The following UNC80 variants were observed in gnomAD, a reference collection of about 807,000 sequenced individuals.
The protein encoded by UNC80 is protein unc-80 homolog.
Under a neutral mutation model 384.6 loss-of-function variants are expected in UNC80, and 164 were observed. The observed-to-expected ratio is 0.43, with a 90% CI of 0.38 to 0.49. The LOEUF (loss-of-function observed/expected upper bound fraction) is 0.49. UNC80 is among the 20% of genes least tolerant of loss of function. The pLI is 0.00. For synonymous variants in UNC80, 1,486 were observed against 1,527.8 expected (o/e 0.97, Z 0.64); for missense variants, 3,330 against 4,143.0 (o/e 0.80, Z 5.39).
At chr2:209,855,092 A>G (rs1312690222) in intron 22 of UNC80, among the ~76,000 whole-genome samples, 3 of 152,256 alleles carry the variant, frequency 2.0e-5, no homozygotes, top group Admixed American at 1.3e-4. Context: ...TGGTACACAT[A>G]CAACATAGAA....
At chr2:209,868,705 C>T (rs1033486044) in intron 22 of UNC80, among the ~76,000 whole-genome samples, 3 of 152,198 alleles carry the variant, frequency 2.0e-5, no homozygotes, top group African/African-American at 7.2e-5. Flanking sequence ...CAATGACATT[C>T]ATTAGACTTT....
intron 4 of UNC80, 71 bp from the exon 5 acceptor site, chr2:209,785,995 T>G: frequency 6.6e-7 from 1 of 1,523,818 alleles, no homozygotes; most frequent in Admixed American, 1.8e-5. Flanking sequence ...TGTTAATCCT[T>G]GCATTGATTG....
intron 7 of UNC80, among the ~76,000 whole-genome samples, chr2:209,807,397 C>A (rs1054455911): frequency 7.8e-6 from 1 of 127,860 alleles, no homozygotes; most frequent in African/African-American, 3.0e-5. Flanking sequence ...CGGAGTCTTG[C>A]TGTGTCGCCC....
intron 39 of UNC80, among the ~76,000 whole-genome samples, chr2:209,934,769 A>G (rs2091128923): frequency 6.6e-6 from 1 of 152,174 alleles, no homozygotes; most frequent in Non-Finnish European, 1.5e-5. Flanking sequence ...ATACTTCACA[A>G]TTGTGAGGAA....
intron 2 of UNC80, among the ~76,000 whole-genome samples, chr2:209,774,209 A>C (rs2076740445): frequency 6.6e-6 from 1 of 152,196 alleles, no homozygotes; most frequent in Non-Finnish European, 1.5e-5. Context: ...CTCACGTAGG[A>C]ATTTGTTTTG....
intron 36 of UNC80, 93 bp from the exon 37 acceptor site, chr2:209,929,778 A>G (rs2090711821): frequency 1.0e-6 from 1 of 966,466 alleles, no homozygotes; most frequent in Non-Finnish European, 1.5e-6. Context: ...TAAGGCAAAA[A>G]GCAGAGACTA....
At chr2:209,851,654 A>AT (rs1259333287) in intron 22 of UNC80, among the ~76,000 whole-genome samples, 5 of 151,822 alleles carry the variant, frequency 3.3e-5, no homozygotes, top group South Asian at 2.1e-4. Context: ...TTGTATAGTG[A>AT]TTTTTTTTCC....
intron 26 of UNC80, among the ~76,000 whole-genome samples, chr2:209,889,979 T>A (rs1397866002): frequency 6.6e-6 from 1 of 152,128 alleles, no homozygotes; most frequent in Non-Finnish European, 1.5e-5. Context: ...CCAACAGGTG[T>A]GAGCCAACGT....
chr2:209,830,622 C>T (rs1359430208), intron 15 of UNC80, among the ~76,000 whole-genome samples: 1 of 152,128 alleles, frequency 6.6e-6, no homozygotes, highest in Non-Finnish European at 1.5e-5. Flanking sequence ...CATAGGTCCC[C>T]ATCTGGTGAA....
At position 209,820,403 on chromosome 2, in the gene UNC80, A is replaced by G. The variant is rs1214181189; in HGVS notation, c.2055A>G (p.Gln685=). ...VALNIVECLL[Q]LGVVPCVEKN... is the part of the protein sequence containing the mutation. ...TAAACATTGTGGAATGCTTGCTTCA[A>G]CTTGGTGTGGTGCCCTGTGTAGAAA... Residue 685 remains glutamine (Q), a synonymous_variant, in exon 13 of 65, where the codon CAA becomes CAG. Transcript: ENST00000673920. The G allele has an allele frequency of 6.4e-7, 1 of 1,551,958 alleles. No individual in the cohort carries two copies. The highest frequency in any genetic ancestry group is 2.0e-5 in the Admixed American group (1 of 51,000).
At chr2:209,848,097 C>T (rs975593834) in intron 21 of UNC80, among the ~76,000 whole-genome samples, 3 of 151,820 alleles carry the variant, frequency 2.0e-5, no homozygotes. Flanking sequence ...CAGGAATTTA[C>T]CTGTTCTAGT....
chr2:209,792,963 A>C (rs1356103817), intron 6 of UNC80, among the ~76,000 whole-genome samples: 1 of 152,220 alleles, frequency 6.6e-6, no homozygotes, highest in Non-Finnish European at 1.5e-5. Context: ...AGAAGACTTA[A>C]TTCATGAAAT....
chr2:209,848,856 C>T (rs1428068585), intron 21 of UNC80, among the ~76,000 whole-genome samples: 1 of 151,986 alleles, frequency 6.6e-6, no homozygotes, highest in Admixed American at 6.6e-5. Flanking sequence ...CATGGTAAAC[C>T]CAGGCCCATA....
intron 28 of UNC80, among the ~76,000 whole-genome samples, chr2:209,897,866 G>A (rs192937231): frequency 6.6e-6 from 1 of 152,260 alleles, no homozygotes; most frequent in Non-Finnish European, 1.5e-5. Flanking sequence ...TTCTTTATGG[G>A]AGAGTTTTAA....
chr2:209,992,447 A>G (rs1427635053), intron 62 of UNC80, among the ~76,000 whole-genome samples, 200 bp downstream of exon 62: 1 of 152,178 alleles, frequency 6.6e-6, no homozygotes, highest in East Asian at 1.9e-4. Flanking sequence ...CTGTCTCTAA[A>G]AAACTAACTA....
At chr2:209,812,927 A>T (rs1369668864) in intron 7 of UNC80, among the ~76,000 whole-genome samples, 1 of 152,212 alleles carries the variant, frequency 6.6e-6, no homozygotes, top group Non-Finnish European at 1.5e-5. Flanking sequence ...TGAGATTTTT[A>T]AAAAATTAGT....
chr2:209,995,190 T>C, intron 64 of UNC80, 139 bp from the exon 65 acceptor site: 1 of 1,114,548 alleles, frequency 9.0e-7, no homozygotes. Context: ...CTACGTAAGG[T>C]CCTACCTATA....
chr2:209,927,808 A>C (rs578179964), intron 36 of UNC80, among the ~76,000 whole-genome samples: 1 of 152,308 alleles, frequency 6.6e-6, no homozygotes, highest in African/African-American at 2.4e-5. Context: ...GACAATCATG[A>C]GGGCTGTATA....
intron 7 of UNC80, among the ~76,000 whole-genome samples, chr2:209,807,070 T>G (rs2078945703): frequency 6.6e-6 from 1 of 152,184 alleles, no homozygotes; most frequent in Admixed American, 6.5e-5. Flanking sequence ...TTTATTCTTA[T>G]GCATATAATT....
Sources: gnomAD v4.1 joint callset for allele counts (sites outside exome capture counted in the v4.1 genomes callset) on GRCh38, gnomAD v4.1.1 for gene constraint, MANE v1.5 for transcripts, NCBI Gene and HGNC (gene_info 2026-07-23, HGNC 2026-07-21) for gene names.